Variants in DNAJB14 observed in about 807,000 individuals in gnomAD.
DNAJB14 encodes the protein DnaJ heat shock protein family (Hsp40) member B14, also known as dnaJ homolog subfamily B member 14.
In DNAJB14, 22 loss-of-function variants were observed where a neutral mutation model predicts 48.4. That is an observed-to-expected ratio of 0.45 (90% CI 0.32 to 0.65). The LOEUF is 0.65. DNAJB14 is among the 30% of genes least tolerant of loss of function. DNAJB14 has a pLI of 0.03. For synonymous variants in DNAJB14, 142 were observed against 158.7 expected (o/e 0.89, Z 0.79); for missense variants, 319 against 458.8 (o/e 0.70, Z 2.78).
In DNAJB14 at chr4:99,923,204, G is replaced by T. The variant is rs751524871; in HGVS notation, c.306-19C>A. The T allele has an allele frequency of 6.3e-7, 1 of 1,578,966 alleles. No individual in the cohort carries two copies. The highest frequency in any genetic ancestry group is 8.6e-7 in the Non-Finnish European group (1 of 1,163,466). ...GTTTATGCTGTGAACAAGAGAGTGT[G>T]TTATAATGTAAATTTCAAGGAAGAC... On this transcript the variant is annotated intron_variant, in intron 2 of 7. Transcript: ENST00000442697.
At chr4:99,935,700 T>C (rs1726648477) in intron 1 of DNAJB14, among the ~76,000 whole-genome samples, 1 of 118,104 alleles carries the variant, frequency 8.5e-6, no homozygotes, top group Non-Finnish European at 1.7e-5. Flanking sequence ...CTTCTTCCTT[T>C]CCCTTCTTTT....
intron 3 of DNAJB14, among the ~76,000 whole-genome samples, chr4:99,917,284 A>AC (rs1381047406): frequency 2.0e-5 from 3 of 152,256 alleles, no homozygotes; most frequent in African/African-American, 7.2e-5. Flanking sequence ...ATTTTTGCTT[A>AC]CCATGTGTCT....
At position 99,906,392 on chromosome 4, in the gene DNAJB14, A is replaced by T. The variant is rs548377713; in HGVS notation, c.732+125T>A. 445 of 1,039,390 alleles carry T rather than the reference A, an allele frequency of 4.3e-4. 1 individual carries two copies. Among genetic ancestry groups the T allele is most frequent in the Non-Finnish European group, 5.7e-4 (412 of 719,844 alleles). 64.4% of individuals were successfully genotyped at this position (1,039,390 alleles called of 1,614,324 possible). ...TGTCCCTAAGGATTTTCTAGTCTCT[A>T]CCAAACACCTCTAGTAAGAGAAAAC... On this transcript the variant is annotated intron_variant, in intron 5 of 7. Transcript: ENST00000442697.
rs1486486890 is a variant in DNAJB14 at position 99,930,539 on chromosome 4, T to C, written c.216A>G (p.Gln72=). 6.2e-7 allele frequency: 1 copy of C among 1,613,336 alleles called. No homozygotes were observed. The highest frequency in any genetic ancestry group is 8.5e-7 in the Non-Finnish European group (1 of 1,179,628). The change falls in exon 2 of 8, where the codon CAA becomes CAG. Residue 72 remains glutamine, a synonymous_variant. Transcript: ENST00000442697. ...HCRKPSGSGD[Q]SKPNCTKDST... is the part of the protein sequence containing the mutation. The stretch of plus-strand genomic sequence containing the variant: ...TGTCCTTTGTGCAATTAGGCTTGCT[T>C]TGATCGCCACTACCTGATGGTTTTC...
chr4:99,905,743 T>C, intron 5 of DNAJB14, 37 bp from the exon 6 acceptor site: 1 of 1,578,156 alleles, frequency 6.3e-7, no homozygotes, highest in Non-Finnish European at 8.7e-7. Flanking sequence ...AATTGTAATA[T>C]AACTGTAGTT....
At chr4:99,937,471 TC>T (rs1726720808) in intron 1 of DNAJB14, among the ~76,000 whole-genome samples, 1 of 152,144 alleles carries the variant, frequency 6.6e-6, no homozygotes, top group Non-Finnish European at 1.5e-5. Flanking sequence ...ACACCTGTAA[TC>T]CCAGCACTTT....
At chr4:99,932,580 G>GA (rs1190585201) in intron 1 of DNAJB14, among the ~76,000 whole-genome samples, 1 of 152,010 alleles carries the variant, frequency 6.6e-6, no homozygotes, top group African/African-American at 2.4e-5. Flanking sequence ...CTGCTACTTT[G>GA]AAAAAATCAT....
intron 3 of DNAJB14, among the ~76,000 whole-genome samples, chr4:99,913,917 A>G (rs575645182): frequency 2.0e-5 from 3 of 152,148 alleles, no homozygotes; most frequent in Non-Finnish European, 4.4e-5. Flanking sequence ...ATGGTTCTAT[A>G]GGCTGAAAAG....
chr4:99,906,487 C>T, intron 5 of DNAJB14, 30 bp downstream of exon 5: 3 of 1,597,788 alleles, frequency 1.9e-6, no homozygotes, highest in Non-Finnish European at 2.6e-6. Flanking sequence ...CTGAAATTTG[C>T]CATTTTGTGA....
chr4:99,940,187 G>C (rs557447411), intron 1 of DNAJB14, among the ~76,000 whole-genome samples: 1 of 152,316 alleles, frequency 6.6e-6, no homozygotes, highest in South Asian at 2.1e-4. Flanking sequence ...ACCATTAGCT[G>C]AATTGAATAT....
intron 5 of DNAJB14, 124 bp from the exon 6 acceptor site, chr4:99,905,830 C>T: frequency 7.9e-7 from 1 of 1,267,058 alleles, no homozygotes; most frequent in Non-Finnish European, 1.1e-6. Context: ...GCTTTCAAAT[C>T]TGCGTAACCA....
intron 1 of DNAJB14, among the ~76,000 whole-genome samples, chr4:99,935,522 G>A (rs1726641509): frequency 6.6e-6 from 1 of 152,190 alleles, no homozygotes; most frequent in South Asian, 2.1e-4. Context: ...ACTGGTAGTA[G>A]TAAGCATTAA....
At chr4:99,943,966 G>A (rs1158307101) in intron 1 of DNAJB14, among the ~76,000 whole-genome samples, 2 of 151,472 alleles carry the variant, frequency 1.3e-5, no homozygotes, top group African/African-American at 4.9e-5. Flanking sequence ...ATAAATAGGA[G>A]AAAACATCTG....
intron 7 of DNAJB14, 52 bp downstream of exon 7, chr4:99,903,674 G>A (rs545420966): frequency 2.7e-5 from 42 of 1,550,114 alleles, no homozygotes; most frequent in Non-Finnish European, 3.6e-5. Flanking sequence ...ACATTAATCA[G>A]TTCCAAAGAC....
intron 2 of DNAJB14, chr4:99,928,367 G>C (rs1726330484): frequency 6.1e-6 from 1 of 162,724 alleles, no homozygotes; most frequent in Non-Finnish European, 1.4e-5. Context: ...CTGTATGTCT[G>C]TATGTCTCTG....
intron 1 of DNAJB14, 81 bp downstream of exon 1, chr4:99,946,358 G>C: frequency 6.5e-7 from 1 of 1,539,752 alleles, no homozygotes; most frequent in Admixed American, 2.0e-5. Flanking sequence ...AGGCCTCCAG[G>C]AGGGGCCGAG....
Position 99,946,477 on chromosome 4 carries a change from T to C in DNAJB14, c.95A>G (p.Gln32Arg), listed in dbSNP as rs1192877036. ...GNREKAQRFLQKAEKLYPLPS... is the reference protein window; with the variant it reads ...GNREKAQRFLRKAEKLYPLPS... ...CAGTGGGTAGAGCTTCTCGGCCTTC[T>C]GCAGGAAGCGCTGGGCCTTCTCGCG... Residue 32 changes from glutamine to arginine, a missense_variant, in exon 1 of 8, where the codon CAG (glutamine) becomes CGG (arginine). Gln to Arg is a conservative substitution (Grantham distance 43, BLOSUM62 1). Around this residue, in one of 3 missense-constraint regions of DNAJB14, gnomAD observed 116 missense variants for 134.6 expected, o/e 0.86. Coordinates refer to ENST00000442697, the MANE Select transcript of DNAJB14 (RefSeq NM_001031723.4). 8 of 1,613,506 alleles carry C rather than the reference T, an allele frequency of 5.0e-6. No individual in the cohort carries two copies. Among genetic ancestry groups the C allele is most frequent in the Non-Finnish European group, 6.8e-6 (8 of 1,179,744 alleles).
At chr4:99,908,588 T>C in intron 4 of DNAJB14, 123 bp downstream of exon 4, 1 of 717,566 alleles carries the variant, frequency 1.4e-6, no homozygotes, top group African/African-American at 1.9e-5. Flanking sequence ...TGAAAAACCA[T>C]TACAGGATCG....
chr4:99,915,170 T>C (rs1270260786), intron 3 of DNAJB14, among the ~76,000 whole-genome samples: 1 of 152,230 alleles, frequency 6.6e-6, no homozygotes, highest in African/African-American at 2.4e-5. Context: ...TTAGCTGGTC[T>C]TCTCAAATTT....
Sources: gnomAD v4.1 joint callset for allele counts (sites outside exome capture counted in the v4.1 genomes callset) on GRCh38, gnomAD v4.1.1 for gene constraint, gnomAD v4.1.1 regional missense constraint, MANE v1.5 for transcripts, NCBI Gene and HGNC (gene_info 2026-07-23, HGNC 2026-07-21) for gene names.